The following NEK10 variants were observed in gnomAD, a reference collection of about 807,000 sequenced individuals.
NEK10 encodes the protein serine/threonine-protein kinase Nek10.
A neutral mutation model predicts 159.8 loss-of-function variants in NEK10; 122 were observed. That is an observed-to-expected ratio of 0.76 (90% CI 0.66 to 0.89). NEK10 has a LOEUF of 0.89. NEK10 is among the 40% of genes least tolerant of loss of function. The pLI is 0.00. For synonymous variants in NEK10, 466 were observed against 457.1 expected, an observed-to-expected ratio of 1.02 and a Z score of -0.25; for missense variants, 1,342 against 1,323.1, an observed-to-expected ratio of 1.01 and a Z score of -0.22.
rs1939473026 is a variant in NEK10, at chr3:27,111,110, C to A, written c.*162G>T. On this transcript the variant is annotated 3_prime_UTR_variant, in exon 36 of 36. Coordinates refer to ENST00000691995, the MANE Select transcript of NEK10 (RefSeq NM_001394966.1). ...TCAAGTACCGCAGCTGTCATATACT[C>A]CAGCACAGGACCCCCAGAAAGAAGT... The A allele has an allele frequency of 1.7e-6, 1 of 579,894 alleles. No individual in the cohort carries two copies. Among genetic ancestry groups the A allele is most frequent in the Non-Finnish European group, 3.0e-6 (1 of 330,292 alleles). 35.9% of individuals were successfully genotyped at this position (579,894 alleles called of 1,614,324 possible). A position where few individuals can be genotyped will look rare whatever the true frequency, so the allele number is the denominator to read the frequency against.
chr3:27,162,230 A>G (rs1946080181), intron 30 of NEK10: 1 of 642,966 alleles, frequency 1.6e-6, no homozygotes, highest in African/African-American at 1.8e-5. Flanking sequence ...GCCACGGCAG[A>G]AATGCAAATT....
In NEK10 at chr3:27,204,709, T is replaced by C. The variant is rs1168815304; in HGVS notation, c.2091-2152A>G. ...CACATTTTCTTAATCCAGTCTATCATTGTTGGACATTTGGGTTGGTTCCAA... is the reference window on the plus strand; with the variant it reads ...CACATTTTCTTAATCCAGTCTATCACTGTTGGACATTTGGGTTGGTTCCAA... On this transcript the variant is annotated intron_variant, in intron 23 of 35. Coordinates refer to ENST00000691995, the MANE Select transcript of NEK10 (RefSeq NM_001394966.1). Among the ~76,000 whole-genome samples the C allele has an allele frequency of 2.4e-3, 331 of 136,286 alleles. 3 individuals are homozygous for C. The highest frequency in any genetic ancestry group is 8.4e-3 in the African/African-American group (322 of 38,120). The allele number at this position is 136,286 out of a possible 152,430, so 89.4% of individuals were successfully genotyped here. A position where few individuals can be genotyped will look rare whatever the true frequency, so the allele number is the denominator to read the frequency against.
chr3:27,123,735 C>G (rs1027522781), intron 32 of NEK10, among the ~76,000 whole-genome samples: 6 of 151,980 alleles, frequency 3.9e-5, no homozygotes, highest in Non-Finnish European at 5.9e-5. Context: ...TTGACTTAGT[C>G]AGCAAAGGCT....
chr3:27,294,586 A>G (rs2149505440), intron 15 of NEK10, among the ~76,000 whole-genome samples: 1 of 152,258 alleles, frequency 6.6e-6, no homozygotes, highest in South Asian at 2.1e-4. Context: ...TATATCTGTG[A>G]TGCACTGAAG....
At chr3:27,266,530 T>C (rs545777058) in intron 22 of NEK10, among the ~76,000 whole-genome samples, 57 of 152,274 alleles carry the variant, frequency 3.7e-4, no homozygotes, top group Non-Finnish European at 7.1e-4. Flanking sequence ...ATTAACACAC[T>C]CAAAGAGAAT....
intron 26 of NEK10, among the ~76,000 whole-genome samples, chr3:27,180,556 T>A (rs1947981607): frequency 6.6e-6 from 1 of 152,176 alleles, no homozygotes; most frequent in Non-Finnish European, 1.5e-5. Flanking sequence ...TACCAATGCT[T>A]AAGGAATTAA....
chr3:27,143,349 C>A, intron 30 of NEK10: 1 of 592,070 alleles, frequency 1.7e-6, no homozygotes, highest in East Asian at 2.8e-5. Flanking sequence ...TTTATAGATT[C>A]ATAGATTTTA....
Position 27,258,092 on chromosome 3 carries a change from G to A in NEK10, c.2015-1721C>T, listed in dbSNP as rs76751693. ...ATTACAGGCGTGAGCCTCCATGCCC[G>A]GCCTCCAATAGCTTTCTTATCTATA... On this transcript the variant is annotated intron_variant, in intron 22 of 35. Transcript: ENST00000691995. Among the ~76,000 whole-genome samples, 718 of 151,898 alleles carry A rather than the reference G, an allele frequency of 4.7e-3. 8 individuals are homozygous for A. In the East Asian group the frequency reaches 0.058, roughly 12 times the overall value.
chr3:27,198,459 G>A (rs1949749480), intron 25 of NEK10, among the ~76,000 whole-genome samples: 1 of 151,902 alleles, frequency 6.6e-6, no homozygotes, highest in African/African-American at 2.4e-5. Flanking sequence ...GAACAGAAAA[G>A]AGAACCCAGA....
chr3:27,254,270 T>G (rs374430752), intron 23 of NEK10, among the ~76,000 whole-genome samples: 1 of 152,306 alleles, frequency 6.6e-6, no homozygotes, highest in South Asian at 2.1e-4. Flanking sequence ...CCTCTTCCAA[T>G]GTAGCCCAGA....
At chr3:27,154,182 T>G (rs1286429340) in intron 30 of NEK10, among the ~76,000 whole-genome samples, 6 of 152,092 alleles carry the variant, frequency 3.9e-5, no homozygotes, top group Non-Finnish European at 8.8e-5. Flanking sequence ...CCTTTAAGAA[T>G]ATAAACTAGA....
At chr3:27,349,077 G>A (rs945562840) in intron 3 of NEK10, among the ~76,000 whole-genome samples, 6 of 151,992 alleles carry the variant, frequency 3.9e-5, no homozygotes, top group East Asian at 1.9e-4. Context: ...CATGGGTCAC[G>A]GAAGGGGGTT....
intron 26 of NEK10, among the ~76,000 whole-genome samples, chr3:27,175,947 T>C (rs1947464431): frequency 6.6e-6 from 1 of 152,214 alleles, no homozygotes; most frequent in African/African-American, 2.4e-5. Context: ...GACAGCCTTA[T>C]TTATTTCAGA....
At chr3:27,111,892 C>T (rs536048013) in intron 35 of NEK10, among the ~76,000 whole-genome samples, 2 of 152,202 alleles carry the variant, frequency 1.3e-5, no homozygotes, top group South Asian at 2.1e-4. Flanking sequence ...GTATATAAAA[C>T]GTAATTTATC....
intron 23 of NEK10, chr3:27,215,857 G>C: frequency 2.8e-6 from 2 of 717,174 alleles, no homozygotes; most frequent in South Asian, 1.5e-5. Flanking sequence ...AGGAGCAGGA[G>C]AGCGAAGGTA....
intron 22 of NEK10, 119 bp from the exon 23 acceptor site, chr3:27,256,490 C>T (rs1348252228): frequency 1.1e-5 from 5 of 437,238 alleles, no homozygotes; most frequent in Non-Finnish European, 2.0e-5. Context: ...CTTTTCTTTT[C>T]TTAATGCTAT....
At chr3:27,303,810 T>C (rs1427044490) in intron 12 of NEK10, among the ~76,000 whole-genome samples, 1 of 152,210 alleles carries the variant, frequency 6.6e-6, no homozygotes, top group African/African-American at 2.4e-5. Context: ...GATTTGATAA[T>C]ATCTAGTTAT....
intron 26 of NEK10, among the ~76,000 whole-genome samples, chr3:27,183,386 C>T (rs1035895449): frequency 1.4e-5 from 2 of 145,524 alleles, no homozygotes; most frequent in African/African-American, 4.9e-5. Context: ...AAACTGGATA[C>T]CCAAATGACC....
At chr3:27,134,951 T>G (rs1943031628) in intron 31 of NEK10, among the ~76,000 whole-genome samples, 1 of 152,176 alleles carries the variant, frequency 6.6e-6, no homozygotes, top group African/African-American at 2.4e-5. Context: ...TCTCACTTTT[T>G]TCTCCACGAC....
Sources: gnomAD v4.1 joint callset for allele counts (sites outside exome capture counted in the v4.1 genomes callset) on GRCh38, gnomAD v4.1.1 for gene constraint, MANE v1.5 for transcripts, NCBI Gene and HGNC (gene_info 2026-07-23, HGNC 2026-07-21) for gene names.